The following TFPI variants were observed in gnomAD, a reference collection of about 807,000 sequenced individuals.
TFPI encodes anti-convertin.
Under a neutral mutation model 34.6 loss-of-function variants are expected in TFPI, and 15 were observed. The ratio of observed to expected loss-of-function variants is 0.43; its 90% CI spans 0.29 to 0.67. TFPI has a LOEUF of 0.67. TFPI is among the 30% of genes least tolerant of loss of function. TFPI has a pLI of 0.15. For missense variants in TFPI, 301 were observed against 364.0 expected (o/e 0.83, Z 1.41); for synonymous variants, 105 against 120.1 (o/e 0.87, Z 0.82).
chr2:187,521,364 A>C (rs1189586715), intron 1 of TFPI, among the ~76,000 whole-genome samples: 1 of 152,022 alleles, frequency 6.6e-6, no homozygotes, highest in Non-Finnish European at 1.5e-5. Context: ...TTGTTTCCAT[A>C]TCTTGGTTAT....
chr2:187,475,594 A>G (rs1051485518), intron 6 of TFPI, among the ~76,000 whole-genome samples: 4 of 152,188 alleles, frequency 2.6e-5, no homozygotes, highest in African/African-American at 9.7e-5. Context: ...CAGTTTTCCA[A>G]AAGTTTTGAG....
At chr2:187,475,725 T>A (rs1167217096) in intron 6 of TFPI, among the ~76,000 whole-genome samples, 1 of 152,190 alleles carries the variant, frequency 6.6e-6, no homozygotes, top group Non-Finnish European at 1.5e-5. Flanking sequence ...ACCACATCTT[T>A]CTTTCTATAA....
intron 1 of TFPI, among the ~76,000 whole-genome samples, chr2:187,522,727 C>CA (rs145948076): frequency 0.64 from 71,479 of 111,444 alleles, 21,344 homozygotes; most frequent in East Asian, 0.81. Context: ...ACTAAAAATA[C>CA]AAAAAAAAAA....
At chr2:187,527,126 C>G (rs1687720867) in intron 1 of TFPI, 1 of 151,884 alleles carries the variant, frequency 6.6e-6, no homozygotes, top group Non-Finnish European at 1.5e-5. Flanking sequence ...CACACTAATA[C>G]CAAAGAAAAT....
intron 1 of TFPI, among the ~76,000 whole-genome samples, chr2:187,522,337 G>A (rs530334779): frequency 1.3e-5 from 2 of 152,072 alleles, no homozygotes; most frequent in African/African-American, 4.8e-5. Flanking sequence ...TACATTTTCA[G>A]GTAGTAACTA....
intron 1 of TFPI, among the ~76,000 whole-genome samples, chr2:187,539,055 GTTTA>G (rs56014010): frequency 0.17 from 26,099 of 150,394 alleles, 2,602 homozygotes; most frequent in East Asian, 0.32. Context: ...ATATGAAAGT[GTTTA>G]TTTATTTGTA....
chr2:187,490,378 C>T (rs1205521673), intron 3 of TFPI, among the ~76,000 whole-genome samples: 1 of 151,628 alleles, frequency 6.6e-6, no homozygotes, highest in African/African-American at 2.4e-5. Flanking sequence ...ACTCTCACTT[C>T]TGCCAACTTT....
intron 7 of TFPI, among the ~76,000 whole-genome samples, chr2:187,467,387 CTT>C (rs1691772663): frequency 6.6e-6 from 1 of 151,824 alleles, no homozygotes; most frequent in African/African-American, 2.4e-5. Flanking sequence ...TCTTCTTAGT[CTT>C]TTATAAACAT....
intron 3 of TFPI, among the ~76,000 whole-genome samples, chr2:187,491,214 T>C (rs1051035520): frequency 1.3e-5 from 2 of 151,952 alleles, no homozygotes; most frequent in Non-Finnish European, 2.9e-5. Flanking sequence ...TTTATTTTCA[T>C]AGATTTAGGG....
intron 6 of TFPI, chr2:187,478,491 G>T: frequency 1.2e-6 from 1 of 841,122 alleles, no homozygotes; most frequent in Non-Finnish European, 1.6e-6. Context: ...CCGGTCAAAA[G>T]ACTCACAACT....
At chr2:187,488,259 A>G in intron 4 of TFPI, 78 bp downstream of exon 4, 1 of 1,233,604 alleles carries the variant, frequency 8.1e-7, no homozygotes, top group South Asian at 1.4e-5. Flanking sequence ...GAAAAAACAA[A>G]CAAGCAAACA....
chr2:187,489,324 G>A (rs1383075594), intron 3 of TFPI, among the ~76,000 whole-genome samples: 1 of 151,000 alleles, frequency 6.6e-6, no homozygotes, highest in Non-Finnish European at 1.5e-5. Flanking sequence ...TGAAACTAAC[G>A]GACCCAAACT....
rs957658298 is a variant in TFPI, at chr2:187,495,236, A to G, written c.319+1645T>C. ...ACATATATAAAAAGAACAGGTATAT[A>G]TTTCAGGAAAGAGGCCAGTTGATGA... On this transcript the variant is annotated intron_variant, in intron 3 of 7. Transcript: ENST00000233156. 2.0e-5 allele frequency among the ~76,000 whole-genome samples: 3 copies of G among 152,222 alleles called. No homozygotes were observed. The South Asian group carries it at 6.2e-4, about 32-fold the overall frequency.
chr2:187,510,500 G>T (rs1559132157), intron 1 of TFPI, among the ~76,000 whole-genome samples: 1 of 152,156 alleles, frequency 6.6e-6, no homozygotes, highest in Non-Finnish European at 1.5e-5. Context: ...TAAGAGAGGA[G>T]ACCACCCCTC....
At chr2:187,514,031 G>T (rs573177234) in intron 1 of TFPI, 2 of 152,296 alleles carry the variant, frequency 1.3e-5, no homozygotes, top group South Asian at 4.1e-4. Flanking sequence ...CCAACTAGGA[G>T]TCTTGCCCCC....
chr2:187,543,334 T>C (rs1688680906), intron 1 of TFPI, among the ~76,000 whole-genome samples: 1 of 152,210 alleles, frequency 6.6e-6, no homozygotes, highest in Non-Finnish European at 1.5e-5. Flanking sequence ...TACACTAAGT[T>C]AAACTGGCAG....
intron 6 of TFPI, chr2:187,478,587 C>T (rs1305297896): frequency 1.4e-6 from 2 of 1,473,802 alleles, no homozygotes; most frequent in Non-Finnish European, 1.8e-6. Context: ...GTTTACTATG[C>T]ATGTAAATAT....
intron 6 of TFPI, among the ~76,000 whole-genome samples, chr2:187,483,160 CGTTT>C (rs911889229): frequency 9.9e-5 from 15 of 151,740 alleles, no homozygotes; most frequent in African/African-American, 3.6e-4. Flanking sequence ...CTTAGTTGTT[CGTTT>C]GTTTGTTTGT....
chr2:187,509,286 T>G (rs950649261), intron 1 of TFPI, among the ~76,000 whole-genome samples: 1 of 152,220 alleles, frequency 6.6e-6, no homozygotes, highest in African/African-American at 2.4e-5. Context: ...CTTCCAGGTT[T>G]TGGTATCAGG....
Sources: allele counts gnomAD v4.1 joint callset (sites outside exome capture counted in the v4.1 genomes callset), GRCh38; gene constraint gnomAD v4.1.1; transcripts MANE v1.5; gene names NCBI Gene and HGNC (gene_info 2026-07-23, HGNC 2026-07-21).